MSTO1: variants seen among roughly 807,000 people sequenced by gnomAD.
MSTO1 encodes the protein misato mitochondrial distribution and morphology regulator 1.
In MSTO1, 24 loss-of-function variants were observed where a neutral mutation model predicts 55.7. That is an observed-to-expected ratio of 0.43 (90% CI 0.31 to 0.61). The LOEUF is 0.61. Ranked by LOEUF, MSTO1 falls within the 20% of genes least tolerant of loss-of-function variation. MSTO1 has a pLI of 0.09. For missense variants in MSTO1, 363 were observed against 625.7 expected (o/e 0.58, Z 4.48); for synonymous variants, 162 against 252.8 (o/e 0.64, Z 3.41).
At chr1:155,612,664 G>A in intron 9 of MSTO1, 94 bp downstream of exon 9, 1 of 1,487,596 alleles carries the variant, frequency 6.7e-7, no homozygotes, top group South Asian at 1.3e-5. Context: ...CTGTTCTTGA[G>A]GCCCGAGCTT....
the MSTO1 span, among the ~76,000 whole-genome samples, chr1:155,577,063 A>C: frequency 6.8e-6 from 1 of 147,352 alleles, no homozygotes; most frequent in Middle Eastern, 3.4e-3. Flanking sequence ...TCACCCCTGC[A>C]AGTTTTTTTT....
the MSTO1 span, among the ~76,000 whole-genome samples, chr1:155,600,365 A>G: frequency 2.6e-5 from 4 of 152,216 alleles, no homozygotes; most frequent in Non-Finnish European, 1.5e-5. Flanking sequence ...CAGAGAGCAC[A>G]GGGTTGGGGG....
rs140753725 is a variant in MSTO1 at position 155,612,534 on chromosome 1, C to T, written c.930C>T (p.Pro310=). The change falls in exon 9 of 14, where the codon CCC becomes CCT. Residue 310 remains proline, a synonymous_variant. Coordinates refer to ENST00000245564, the MANE Select transcript of MSTO1 (RefSeq NM_018116.4). ...TGGGTGGGAGCCTGGGCCTGCGACCCGAGCCACCTGTCAGCTTCCCTTACC... is the reference window on the plus strand; with the variant it reads ...TGGGTGGGAGCCTGGGCCTGCGACCTGAGCCACCTGTCAGCTTCCCTTACC... ...LSLGGSLGLR[P]EPPVSFPYLH... 116 of 1,612,944 alleles carry T rather than the reference C, an allele frequency of 7.2e-5. No homozygotes were observed. Among genetic ancestry groups the T allele is most frequent in the Non-Finnish European group, 9.2e-5 (108 of 1,179,858 alleles).
the MSTO1 span, chr1:155,586,686 A>G: frequency 1.9e-6 from 1 of 519,276 alleles, no homozygotes; most frequent in Non-Finnish European, 3.9e-6. Context: ...AACAAGGCTT[A>G]TCTCTAGGAT....
At chr1:155,575,521 C>CTT in the MSTO1 span, among the ~76,000 whole-genome samples, 1 of 151,998 alleles carries the variant, frequency 6.6e-6, no homozygotes, top group Non-Finnish European at 1.5e-5. Flanking sequence ...CGGCTCACTG[C>CTT]AGCCTCAGCC....
At chr1:155,598,794 C>A in the MSTO1 span, 3 of 1,094,480 alleles carry the variant, frequency 2.7e-6, no homozygotes, top group South Asian at 3.8e-5. Flanking sequence ...ACCTTGTAGT[C>A]ACGTTTTCTT....
the MSTO1 span, among the ~76,000 whole-genome samples, chr1:155,591,790 C>CAA: frequency 7.7e-6 from 1 of 129,190 alleles, no homozygotes; most frequent in Non-Finnish European, 1.7e-5. Flanking sequence ...AACTCCGTCT[C>CAA]AAAAAAAAAA....
the MSTO1 span, among the ~76,000 whole-genome samples, chr1:155,571,805 T>G: frequency 6.6e-6 from 1 of 152,156 alleles, no homozygotes; most frequent in Non-Finnish European, 1.5e-5. Context: ...CCCAGCACTT[T>G]GGGAGGCCGA....
At chr1:155,575,048 G>A in the MSTO1 span, among the ~76,000 whole-genome samples, 5 of 151,792 alleles carry the variant, frequency 3.3e-5, no homozygotes, top group Admixed American at 1.3e-4. Context: ...TGTATTTTTA[G>A]TAGAGACGGA....
the MSTO1 span, among the ~76,000 whole-genome samples, chr1:155,574,542 A>G: frequency 6.6e-6 from 1 of 152,058 alleles, no homozygotes. Context: ...TACGTTTGCA[A>G]CTCATCTGTA....
upstream of MSTO1, chr1:155,609,934 G>C (rs1451541649): frequency 2.4e-6 from 1 of 417,272 alleles, no homozygotes; most frequent in Non-Finnish European, 4.3e-6. Flanking sequence ...AGGAAGCAGA[G>C]CCTTCCACGG....
the MSTO1 span, among the ~76,000 whole-genome samples, chr1:155,600,912 G>A: frequency 1.3e-5 from 2 of 150,848 alleles, no homozygotes; most frequent in African/African-American, 2.4e-5. Flanking sequence ...TCCTGATCTC[G>A]TGATGCGACC....
At chr1:155,572,697 C>A in the MSTO1 span, among the ~76,000 whole-genome samples, 1 of 151,984 alleles carries the variant, frequency 6.6e-6, no homozygotes, top group Non-Finnish European at 1.5e-5. Context: ...GTTGCCCAGG[C>A]TGGAGTGCAA....
At chr1:155,589,460 G>T in the MSTO1 span, among the ~76,000 whole-genome samples, 2 of 151,978 alleles carry the variant, frequency 1.3e-5, 1 homozygote, top group Non-Finnish European at 2.9e-5. Context: ...TAGGATAGAA[G>T]TATATATGAA....
At chr1:155,580,127 C>G in the MSTO1 span, among the ~76,000 whole-genome samples, 1 of 150,862 alleles carries the variant, frequency 6.6e-6, no homozygotes, top group African/African-American at 2.4e-5. Context: ...GGTATAGTGG[C>G]TCGCACATGT....
chr1:155,578,224 G>T, the MSTO1 span, among the ~76,000 whole-genome samples: 2 of 150,772 alleles, frequency 1.3e-5, no homozygotes, highest in African/African-American at 4.9e-5. Flanking sequence ...GATCATACCT[G>T]AAGTGTATTG....
chr1:155,569,805 G>A, the MSTO1 span, among the ~76,000 whole-genome samples: 1 of 151,848 alleles, frequency 6.6e-6, no homozygotes, highest in South Asian at 2.1e-4. Flanking sequence ...CAGAAATGTT[G>A]TGGATTTGAG....
At chr1:155,613,968 C>T (rs1168623800) in intron 13 of MSTO1, 91 bp from the exon 14 acceptor site, 54 of 1,552,650 alleles carry the variant, frequency 3.5e-5, no homozygotes, top group Non-Finnish European at 4.5e-5. Context: ...ACAATCAAGT[C>T]TACTAAGGTT....
At chr1:155,613,993 G>A in intron 13 of MSTO1, 66 bp from the exon 14 acceptor site, 2 of 1,607,974 alleles carry the variant, frequency 1.2e-6, no homozygotes, top group Non-Finnish European at 1.7e-6. Context: ...TTCCTTATCA[G>A]TTTGGCAGAG....
Sources: allele counts gnomAD v4.1 joint callset (sites outside exome capture counted in the v4.1 genomes callset), GRCh38; gene constraint gnomAD v4.1.1; transcripts MANE v1.5; gene names NCBI Gene and HGNC (gene_info 2026-07-23, HGNC 2026-07-21).